ABR: variants seen among roughly 807,000 people sequenced by gnomAD.
The protein encoded by ABR is ABR activator of RhoGEF and GTPase, also known as active breakpoint cluster region-related protein.
A neutral mutation model predicts 107.2 loss-of-function variants in ABR; 35 were observed. That is an observed-to-expected ratio of 0.33 (90% CI 0.25 to 0.43). ABR has a LOEUF of 0.43. ABR is among the 20% of genes least tolerant of loss of function. The pLI is 1.00. For missense variants in ABR, 815 were observed against 1,115.2 expected (o/e 0.73, Z 3.83); for synonymous variants, 498 against 462.0 (o/e 1.08, Z -1.00).
At position 1,204,070 on chromosome 17, in the gene ABR, C is replaced by T. The variant is rs1231393718; in HGVS notation, c.838+24723G>A. On this transcript the variant is annotated intron_variant, in intron 1 of 22. Transcript: ENST00000574139. The stretch of plus-strand genomic sequence containing the variant: ...CCACTCCTCCCGGCCTCTCCCTCAT[C>T]TCGGCCTGGGCCCCGCAGAAGCCAC... Among the ~76,000 whole-genome samples, 3 of 152,250 alleles carry T rather than the reference C, an allele frequency of 2.0e-5. 1 individual carries two copies. In the South Asian group the frequency reaches 6.2e-4, roughly 31 times the overall value.
intron 1 of ABR, among the ~76,000 whole-genome samples, chr17:1,146,619 C>CTGCCACCACTGCCACA (rs782085430): frequency 2.1e-5 from 3 of 143,494 alleles, no homozygotes; most frequent in Non-Finnish European, 3.0e-5. Flanking sequence ...CATGACACCA[C>CTGCCACCACTGCCACA]TGCCACCACT....
intron 3 of ABR, 44 bp downstream of exon 3, chr17:1,100,593 C>G: frequency 6.3e-7 from 1 of 1,579,592 alleles, no homozygotes; most frequent in South Asian, 1.1e-5. Flanking sequence ...TCACCCAACA[C>G]GGGCGGGGGG....
At chr17:1,053,472 A>T (rs564272194) in intron 14 of ABR, among the ~76,000 whole-genome samples, 67 of 151,914 alleles carry the variant, frequency 4.4e-4, no homozygotes, top group African/African-American at 1.6e-3. Context: ...AGGGTTCCGG[A>T]GTCAGACCAT....
chr17:1,215,320 G>A (rs1368659269), intron 1 of ABR, among the ~76,000 whole-genome samples: 3 of 151,230 alleles, frequency 2.0e-5, no homozygotes, highest in Non-Finnish European at 4.4e-5. Context: ...TGCCATCTCG[G>A]CTCACTGCAA....
intron 11 of ABR, 71 bp from the exon 12 acceptor site, chr17:1,058,116 C>T: frequency 1.1e-6 from 1 of 889,992 alleles, no homozygotes; most frequent in Non-Finnish European, 1.8e-6. Flanking sequence ...TCCTGGGGAC[C>T]CCAACAAAGC....
intron 10 of ABR, among the ~76,000 whole-genome samples, chr17:1,062,865 C>G (rs1305079606): frequency 9.2e-5 from 13 of 142,072 alleles, no homozygotes; most frequent in Middle Eastern, 4.1e-3. Flanking sequence ...ATGCATGTTC[C>G]TCTAGACACT....
chr17:1,077,423 G>A lies in ABR; in HGVS notation c.700+1907C>T, dbSNP rs536654437. On this transcript the variant is annotated intron_variant, in intron 6 of 22. Coordinates refer to ENST00000302538, the MANE Select transcript of ABR (RefSeq NM_021962.5). ...GCCAAGGGTACGTTTCCTTTTCAGG[G>A]AGGCAGAGTCAAGACCTGACCAACT... 2.6e-5 allele frequency among the ~76,000 whole-genome samples: 4 copies of A among 152,292 alleles called. No individual in the cohort carries two copies. In the South Asian group the frequency reaches 8.3e-4, roughly 32 times the overall value.
intron 1 of ABR, among the ~76,000 whole-genome samples, chr17:1,204,771 G>T (rs1471184470): frequency 6.6e-6 from 1 of 151,864 alleles, no homozygotes; most frequent in East Asian, 1.9e-4. Flanking sequence ...TAGTATTTAG[G>T]TTTGTGTGAA....
chr17:1,050,246 T>G lies in ABR; in HGVS notation c.1660-65A>C. On this transcript the variant is annotated intron_variant, in intron 15 of 22. Transcript: ENST00000302538. This position sits in a 1 kb window ranked among gnomAD's most constrained non-coding sequence, Gnocchi z 4.6. ...CTGGGAGGCCTGGCTTTCCGGCAGG[T>G]GCGTGCCTCAGCTTTGCAAGGAGGA... 6.4e-7 allele frequency: 1 copy of G among 1,561,996 alleles called. No individual in the cohort carries two copies.
At chr17:1,223,314 C>T (rs575751001) in intron 1 of ABR, among the ~76,000 whole-genome samples, 1 of 152,080 alleles carries the variant, frequency 6.6e-6, no homozygotes, top group South Asian at 2.1e-4. Flanking sequence ...AACACACACA[C>T]ACACACACAC....
At chr17:1,033,037 C>T (rs2072929042) in intron 16 of ABR, among the ~76,000 whole-genome samples, 1 of 152,206 alleles carries the variant, frequency 6.6e-6, no homozygotes, top group Non-Finnish European at 1.5e-5. Flanking sequence ...TTACACAGTG[C>T]CAAGTGAGGA....
At chr17:1,176,868 A>G (rs1054254046) in intron 1 of ABR, among the ~76,000 whole-genome samples, 48 of 142,412 alleles carry the variant, frequency 3.4e-4, no homozygotes, top group Admixed American at 7.2e-4. Context: ...AAAACAAAAA[A>G]CAAAAAAAAA....
chr17:1,199,797 T>C (rs906869221), intron 1 of ABR, among the ~76,000 whole-genome samples: 21 of 152,050 alleles, frequency 1.4e-4, no homozygotes, highest in Admixed American at 1.2e-3. Flanking sequence ...TTTTCTGTCA[T>C]ATAAGTCATA....
At chr17:1,033,987 T>C (rs2072993085) in intron 16 of ABR, among the ~76,000 whole-genome samples, 1 of 138,136 alleles carries the variant, frequency 7.2e-6, no homozygotes, top group Non-Finnish European at 1.6e-5. Context: ...TTTTTTTTTT[T>C]TGAGGCAGTG....
At chr17:1,201,706 C>T (rs948000171) in intron 1 of ABR, among the ~76,000 whole-genome samples, 6 of 152,114 alleles carry the variant, frequency 3.9e-5, no homozygotes, top group Non-Finnish European at 2.9e-5. Context: ...GAGAGAGTCT[C>T]GCTCTGTTGC....
chr17:1,033,584 G>A (rs962677529), intron 16 of ABR, among the ~76,000 whole-genome samples: 14 of 152,322 alleles, frequency 9.2e-5, no homozygotes, highest in African/African-American at 2.9e-4. Context: ...GCCTTGGGGC[G>A]TCCTGCCTGG....
In ABR at chr17:1,037,398, G is replaced by A. The variant is rs1046607906; in HGVS notation, c.1791+12652C>T. On this transcript the variant is annotated intron_variant, in intron 16 of 22. Transcript: ENST00000302538. This position sits in a 1 kb window ranked among gnomAD's most constrained non-coding sequence, Gnocchi z 4.6. ...TCAGGCTGGTGTCGCCAGGGTGCTCGGTGGTTCTAGGTACGGAGGAGAGGC... is the reference window on the plus strand; with the variant it reads ...TCAGGCTGGTGTCGCCAGGGTGCTCAGTGGTTCTAGGTACGGAGGAGAGGC... Among the ~76,000 whole-genome samples, 5 of 152,186 alleles carry A rather than the reference G, an allele frequency of 3.3e-5. No individual in the cohort carries two copies. The highest frequency in any genetic ancestry group is 7.2e-5 in the African/African-American group (3 of 41,452).
Position 1,018,326 on chromosome 17 carries a change from G to C in ABR, c.1792-5162C>G, listed in dbSNP as rs1253661061. Among the ~76,000 whole-genome samples, 7 of 152,228 alleles carry C rather than the reference G, an allele frequency of 4.6e-5. No homozygotes were observed. In the South Asian group the frequency reaches 1.4e-3, roughly 31 times the overall value. On this transcript the variant is annotated intron_variant, in intron 16 of 22. Coordinates refer to ENST00000302538, the MANE Select transcript of ABR (RefSeq NM_021962.5). The stretch of plus-strand genomic sequence containing the variant: ...CAAAGTGCTGGGATTACGGGCGTGA[G>C]CCACCACGCCTGGCCCGGGCCCTTA...
At chr17:1,012,166 G>A (rs1241339800) in intron 18 of ABR, 181 bp from the exon 19 acceptor site, 8 of 1,001,074 alleles carry the variant, frequency 8.0e-6, no homozygotes, top group Non-Finnish European at 1.2e-5. Flanking sequence ...GCCCACCCGA[G>A]GCCTGCCGAA....
Sources: gnomAD v4.1 joint callset for allele counts (sites outside exome capture counted in the v4.1 genomes callset) on GRCh38, gnomAD v4.1.1 for gene constraint, Gnocchi (gnomAD v3.1) non-coding constraint, MANE v1.5 for transcripts, NCBI Gene and HGNC (gene_info 2026-07-23, HGNC 2026-07-21) for gene names.